SHANK2: variants seen among roughly 807,000 people sequenced by gnomAD.
SHANK2 encodes SH3 and multiple ankyrin repeat domains 2, also known as SH3 and multiple ankyrin repeat domains protein 2.
A neutral mutation model predicts 133.7 loss-of-function variants in SHANK2; 43 were observed. The ratio of observed to expected loss-of-function variants is 0.32; its 90% CI spans 0.25 to 0.41. The LOEUF (loss-of-function observed/expected upper bound fraction) is 0.41. SHANK2 is among the 10% of genes least tolerant of loss of function. The pLI, the probability that SHANK2 is intolerant of heterozygous loss-of-function variation, is 1.00. For synonymous variants in SHANK2, 1,017 were observed against 952.8 expected, an observed-to-expected ratio of 1.07 and a Z score of -1.24; for missense variants, 1,994 against 2,235.8, an observed-to-expected ratio of 0.89 and a Z score of 2.18.
At chr11:71,120,707 C>G (rs1398839148) in intron 3 of SHANK2, among the ~76,000 whole-genome samples, 1 of 152,198 alleles carries the variant, frequency 6.6e-6, no homozygotes, top group Non-Finnish European at 1.5e-5. Flanking sequence ...CTCCCCCATC[C>G]TTGGCTAAGC....
intron 3 of SHANK2, among the ~76,000 whole-genome samples, chr11:71,136,928 T>C (rs1450719819): frequency 6.6e-6 from 1 of 152,230 alleles, no homozygotes; most frequent in African/African-American, 2.4e-5. Context: ...AGTGGCGCGA[T>C]CTCCACTCAC....
At chr11:71,221,610 T>C (rs569441655) in intron 2 of SHANK2, among the ~76,000 whole-genome samples, 3 of 152,336 alleles carry the variant, frequency 2.0e-5, no homozygotes, top group South Asian at 4.1e-4. Flanking sequence ...ATTCATCTAA[T>C]CTAGTGTCTT....
At chr11:70,932,891 T>A (rs1358860981) in intron 10 of SHANK2, among the ~76,000 whole-genome samples, 2 of 152,188 alleles carry the variant, frequency 1.3e-5, no homozygotes, top group East Asian at 3.8e-4. Context: ...GTGGAGAGAC[T>A]GGAACTCTTG....
intron 10 of SHANK2, among the ~76,000 whole-genome samples, chr11:70,938,818 G>C (rs1950605483): frequency 6.6e-6 from 1 of 152,136 alleles, no homozygotes; most frequent in Non-Finnish European, 1.5e-5. Context: ...CTAGAGCATG[G>C]AATGCAGTGA....
At chr11:70,551,551 C>T (rs1221450178) in intron 17 of SHANK2, among the ~76,000 whole-genome samples, 10 of 152,248 alleles carry the variant, frequency 6.6e-5, no homozygotes, top group Non-Finnish European at 1.2e-4. Context: ...CCATGGCCTG[C>T]ATTCCAGGCA....
intron 10 of SHANK2, chr11:70,910,973 A>G (rs782174201): frequency 6.6e-6 from 3 of 457,032 alleles, no homozygotes; most frequent in South Asian, 3.1e-5. Flanking sequence ...TTGCTAAGCC[A>G]TGATGATGCA....
intron 23 of SHANK2, chr11:70,489,870 C>T (rs2135749037): frequency 3.3e-6 from 1 of 304,098 alleles, no homozygotes; most frequent in South Asian, 3.6e-5. Flanking sequence ...ATCTGCTGAG[C>T]TCATACTCCA....
chr11:70,788,099 A>G (rs1482110005), intron 14 of SHANK2, among the ~76,000 whole-genome samples: 2 of 152,218 alleles, frequency 1.3e-5, no homozygotes, highest in South Asian at 2.1e-4. Context: ...CAGTGCATAC[A>G]TGATATGGCT....
chr11:71,239,842 G>A (rs1354418284), intron 1 of SHANK2, among the ~76,000 whole-genome samples: 1 of 152,092 alleles, frequency 6.6e-6, no homozygotes. Context: ...GACCTCAGAG[G>A]CATTTCCTTT....
At chr11:70,601,045 C>CTATATCTATATCTA (rs1297355620) in intron 17 of SHANK2, among the ~76,000 whole-genome samples, 6 of 151,346 alleles carry the variant, frequency 4.0e-5, no homozygotes, top group African/African-American at 1.2e-4. Context: ...ATATCTATAT[C>CTATATCTATATCTA]TATATCTATA....
At chr11:70,654,834 C>A (rs2061385991) in intron 17 of SHANK2, among the ~76,000 whole-genome samples, 1 of 149,230 alleles carries the variant, frequency 6.7e-6, no homozygotes, top group Admixed American at 6.7e-5. Flanking sequence ...GTGGCGTGAT[C>A]TCGGCTCACG....
chr11:71,219,943 G>T (rs566162652), intron 2 of SHANK2, among the ~76,000 whole-genome samples: 2 of 152,054 alleles, frequency 1.3e-5, no homozygotes, highest in East Asian at 3.9e-4. Context: ...ACAAAAACAG[G>T]CCAGGTGTGG....
chr11:70,727,224 T>G (rs1339844834), intron 14 of SHANK2, among the ~76,000 whole-genome samples: 2 of 152,246 alleles, frequency 1.3e-5, no homozygotes, highest in Non-Finnish European at 2.9e-5. Flanking sequence ...GAGAGTCACA[T>G]GGGAAACTAT....
intron 6 of SHANK2, among the ~76,000 whole-genome samples, chr11:71,101,792 C>A (rs547121100): frequency 1.3e-5 from 2 of 152,162 alleles, no homozygotes; most frequent in Non-Finnish European, 2.9e-5. Flanking sequence ...CCTAACTGAG[C>A]GGTGCGGGAG....
chr11:71,225,507 G>A (rs1479418195), intron 1 of SHANK2, among the ~76,000 whole-genome samples: 1 of 152,216 alleles, frequency 6.6e-6, no homozygotes, highest in Admixed American at 6.5e-5. Flanking sequence ...TTCCCTTGTG[G>A]AAGTGGCGTC....
intron 9 of SHANK2, among the ~76,000 whole-genome samples, chr11:71,059,613 CT>C (rs1327841472): frequency 6.6e-6 from 1 of 152,222 alleles, no homozygotes; most frequent in African/African-American, 2.4e-5. Context: ...ACACTGAGCT[CT>C]CAGGATCCGG....
chr11:70,863,459 A>C lies in SHANK2; in HGVS notation c.1174+33042T>G, dbSNP rs571331631. On this transcript the variant is annotated intron_variant, in intron 11 of 25. Transcript: ENST00000601538. ...CGCCTGTGAACTCCTGGCCACGGCT[A>C]TGTGGTGGAAGACACGGATTCTGTG... 9.0e-5 allele frequency: 41 copies of C among 457,648 alleles called. No homozygotes were observed. In the Middle Eastern group the frequency reaches 9.7e-4, roughly 11 times the overall value. 28.3% of individuals were successfully genotyped at this position (457,648 alleles called of 1,614,324 possible). A position where few individuals can be genotyped will look rare whatever the true frequency, so the allele number is the denominator to read the frequency against.
intron 9 of SHANK2, among the ~76,000 whole-genome samples, chr11:71,058,381 C>T (rs1456550446): frequency 1.3e-5 from 2 of 152,286 alleles, no homozygotes; most frequent in East Asian, 1.9e-4. Context: ...TAAAAGGCAG[C>T]AGCAGAATGT....
chr11:71,153,197 C>CTTCCCCAGGAT (rs1952830464), intron 2 of SHANK2, among the ~76,000 whole-genome samples: 1 of 151,122 alleles, frequency 6.6e-6, no homozygotes, highest in Admixed American at 6.6e-5. Context: ...GAAATCCTGG[C>CTTCCCCAGGAT]TTCCCCAGGA....
Sources: gnomAD v4.1 joint callset for allele counts (sites outside exome capture counted in the v4.1 genomes callset) on GRCh38, gnomAD v4.1.1 for gene constraint, MANE v1.5 for transcripts, NCBI Gene and HGNC (gene_info 2026-07-23, HGNC 2026-07-21) for gene names.